Variants in GPC6 observed in about 807,000 individuals in gnomAD.
GPC6 encodes the protein glypican 6, also known as glypican-6.
In GPC6, 14 loss-of-function variants were observed where a neutral mutation model predicts 55.2. The ratio of observed to expected loss-of-function variants is 0.25; its 90% confidence interval spans 0.17 to 0.40. GPC6 has a LOEUF of 0.40. Among genes scored for constraint, GPC6 ranks in the 10% least tolerant of loss-of-function variants. GPC6 has a pLI of 1.00. For synonymous variants in GPC6, 278 were observed against 259.6 expected, an observed-to-expected ratio of 1.07 and a Z score of -0.68; for missense variants, 641 against 708.5, an observed-to-expected ratio of 0.90 and a Z score of 1.08.
At chr13:94,350,708 A>G (rs554023577) in intron 6 of GPC6, among the ~76,000 whole-genome samples, 1 of 152,200 alleles carries the variant, frequency 6.6e-6, no homozygotes, top group Non-Finnish European at 1.5e-5. Context: ...AGAGTAATCT[A>G]TCCATCTTCC....
chr13:93,343,261 A>C (rs930139816), intron 1 of GPC6, among the ~76,000 whole-genome samples: 2 of 152,062 alleles, frequency 1.3e-5, no homozygotes, highest in Non-Finnish European at 2.9e-5. Context: ...AAACTCAAGG[A>C]GATATAGTAT....
intron 7 of GPC6, 65 bp from the exon 8 acceptor site, chr13:94,398,401 C>A (rs547654518): frequency 1.7e-6 from 2 of 1,200,850 alleles, no homozygotes; most frequent in South Asian, 2.4e-5. Context: ...TTTTGCATGG[C>A]AGCATCTGGT....
chr13:93,698,370 C>T (rs1005812622), intron 2 of GPC6, among the ~76,000 whole-genome samples: 4 of 151,714 alleles, frequency 2.6e-5, no homozygotes, highest in African/African-American at 9.7e-5. Context: ...CTGTGGAGAA[C>T]TGTTTTTAAT....
At chr13:93,246,646 A>C (rs1223763491) in intron 1 of GPC6, among the ~76,000 whole-genome samples, 2 of 151,908 alleles carry the variant, frequency 1.3e-5, no homozygotes, top group African/African-American at 4.8e-5. Context: ...AAATACAAAA[A>C]AATTAGCCGG....
At chr13:94,168,714 TA>T (rs1191591385) in intron 4 of GPC6, among the ~76,000 whole-genome samples, 6 of 148,092 alleles carry the variant, frequency 4.1e-5, no homozygotes, top group Non-Finnish European at 8.9e-5. Context: ...TAAATATATA[TA>T]AAATATATAT....
chr13:93,936,127 A>G (rs564325912), intron 3 of GPC6, among the ~76,000 whole-genome samples: 1 of 152,338 alleles, frequency 6.6e-6, no homozygotes, highest in Non-Finnish European at 1.5e-5. Context: ...AGTGAGTGTT[A>G]TATTTGGATT....
chr13:94,353,360 A>C (rs1462289725), intron 6 of GPC6, among the ~76,000 whole-genome samples: 1 of 152,078 alleles, frequency 6.6e-6, no homozygotes, highest in Non-Finnish European at 1.5e-5. Context: ...ACAAATCATG[A>C]GTGTTTGATG....
intron 4 of GPC6, among the ~76,000 whole-genome samples, chr13:94,048,655 A>T (rs1312605974): frequency 6.6e-6 from 1 of 151,802 alleles, no homozygotes; most frequent in African/African-American, 2.4e-5. Context: ...CGGGGACCTC[A>T]GAACTTAGTA....
intron 2 of GPC6, among the ~76,000 whole-genome samples, chr13:93,757,714 C>T (rs1465753040): frequency 3.3e-5 from 5 of 152,022 alleles, no homozygotes; most frequent in Non-Finnish European, 4.4e-5. Context: ...AGTCTATGAC[C>T]AGCAGTAGTA....
At chr13:94,226,326 A>G (rs75280560) in intron 4 of GPC6, among the ~76,000 whole-genome samples, 1,561 of 152,242 alleles carry the variant, frequency 0.01, 23 homozygotes, top group African/African-American at 0.035. Context: ...CCAGAGTTAC[A>G]GTTGGATAGG....
chr13:93,256,056 A>G (rs1444303278), intron 1 of GPC6, among the ~76,000 whole-genome samples: 2 of 151,616 alleles, frequency 1.3e-5, no homozygotes, highest in Non-Finnish European at 2.9e-5. Flanking sequence ...ATAAGAAATG[A>G]GAATTGCTTG....
chr13:94,059,535 G>A (rs886653696), intron 4 of GPC6, among the ~76,000 whole-genome samples: 35 of 151,984 alleles, frequency 2.3e-4, no homozygotes, highest in African/African-American at 7.7e-4. Context: ...CCATGAACAC[G>A]AACGTGTTCT....
intron 3 of GPC6, among the ~76,000 whole-genome samples, chr13:93,837,104 C>A (rs1887765184): frequency 6.6e-6 from 1 of 152,058 alleles, no homozygotes; most frequent in Non-Finnish European, 1.5e-5. Context: ...AGAGTATAAA[C>A]CAAGGAAAAT....
intron 1 of GPC6, among the ~76,000 whole-genome samples, chr13:93,542,540 G>T (rs1053961281): frequency 2.6e-5 from 4 of 152,250 alleles, no homozygotes; most frequent in African/African-American, 9.6e-5. Context: ...CTTTAAAGTA[G>T]TTTTTTCCAA....
chr13:94,253,660 T>C (rs1490003563), intron 4 of GPC6, among the ~76,000 whole-genome samples: 1 of 152,124 alleles, frequency 6.6e-6, no homozygotes, highest in Admixed American at 6.6e-5. Context: ...ACTTTTCTTA[T>C]GTATCTGGAG....
At chr13:94,318,928 T>C (rs531778878) in intron 6 of GPC6, among the ~76,000 whole-genome samples, 65 of 152,188 alleles carry the variant, frequency 4.3e-4, no homozygotes, top group Non-Finnish European at 7.6e-4. Context: ...TTAACTGAAA[T>C]ATCTTTTTTC....
chr13:93,880,265 C>G (rs1470386276), intron 3 of GPC6, among the ~76,000 whole-genome samples: 1 of 151,848 alleles, frequency 6.6e-6, no homozygotes, highest in Middle Eastern at 3.4e-3. Flanking sequence ...CACATGCACA[C>G]GTATGTTTAT....
rs559574182 is a variant in GPC6 at position 94,358,252 on chromosome 13, G to A, written c.1153-24162G>A. On this transcript the variant is annotated intron_variant, in intron 6 of 8. Coordinates refer to ENST00000377047, the MANE Select transcript of GPC6 (RefSeq NM_005708.5). ...TGCAGTGAGCTGAGATAGTGCCACCGCACTCCAGCCTAGGCGACAGAGCAA... is the reference window on the plus strand; with the variant it reads ...TGCAGTGAGCTGAGATAGTGCCACCACACTCCAGCCTAGGCGACAGAGCAA... Among the ~76,000 whole-genome samples the A allele has an allele frequency of 2.0e-3, 290 of 146,754 alleles. 1 individual carries two copies. The highest frequency in any genetic ancestry group is 3.4e-3 in the Non-Finnish European group (229 of 67,410).
At chr13:93,496,173 G>A (rs1402393389) in intron 1 of GPC6, among the ~76,000 whole-genome samples, 8 of 152,104 alleles carry the variant, frequency 5.3e-5, no homozygotes, top group African/African-American at 1.7e-4. Context: ...AGCAATCAGC[G>A]AGAGTCCGTG....
Sources: gnomAD v4.1 joint callset for allele counts (sites outside exome capture counted in the v4.1 genomes callset) on GRCh38, gnomAD v4.1.1 for gene constraint, MANE v1.5 for transcripts, NCBI Gene and HGNC (gene_info 2026-07-23, HGNC 2026-07-21) for gene names.